The following SMARCC1 variants were observed in gnomAD, a reference collection of about 807,000 sequenced individuals.
The protein encoded by SMARCC1 is SWI/SNF complex subunit SMARCC1.
A neutral mutation model predicts 147.4 loss-of-function variants in SMARCC1; 43 were observed. The ratio of observed to expected loss-of-function variants is 0.29; its 90% CI spans 0.23 to 0.38. The LOEUF (loss-of-function observed/expected upper bound fraction) is 0.38. Among genes scored for constraint, SMARCC1 ranks in the 10% least tolerant of loss-of-function variants. The pLI, the probability that SMARCC1 is intolerant of heterozygous loss-of-function variation, is 1.00. For missense variants in SMARCC1, 1,119 were observed against 1,381.1 expected, an observed-to-expected ratio of 0.81 and a Z score of 3.01; for synonymous variants, 495 against 484.4, an observed-to-expected ratio of 1.02 and a Z score of -0.29.
At chr3:47,708,534 TG>T (rs1262996893) in intron 9 of SMARCC1, among the ~76,000 whole-genome samples, 3 of 152,126 alleles carry the variant, frequency 2.0e-5, no homozygotes, top group African/African-American at 7.2e-5. Flanking sequence ...GGGTATGAAC[TG>T]GCCAGTTAAA....
intron 27 of SMARCC1, among the ~76,000 whole-genome samples, chr3:47,589,407 T>C (rs925270276): frequency 5.9e-5 from 9 of 152,084 alleles, no homozygotes; most frequent in East Asian, 1.9e-4. Context: ...CAGTGGTAAA[T>C]TGGTAAAGAC....
chr3:47,638,305 G>A (rs2033000606), intron 22 of SMARCC1, among the ~76,000 whole-genome samples: 1 of 152,132 alleles, frequency 6.6e-6, no homozygotes, highest in Non-Finnish European at 1.5e-5. Context: ...ATGTTAGCCA[G>A]GACGGTCTCG....
At chr3:47,733,908 C>T (rs1286689638) in intron 5 of SMARCC1, among the ~76,000 whole-genome samples, 12 of 147,474 alleles carry the variant, frequency 8.1e-5, no homozygotes, top group Non-Finnish European at 1.6e-4. Context: ...TATATATACA[C>T]ACATATGTGC....
intron 2 of SMARCC1, among the ~76,000 whole-genome samples, chr3:47,764,433 A>G (rs994898234): frequency 1.9e-4 from 29 of 152,228 alleles, no homozygotes; most frequent in African/African-American, 6.5e-4. Flanking sequence ...AAAATATAGA[A>G]AAAATAAATA....
At chr3:47,780,684 T>C (rs1451038625) in intron 1 of SMARCC1, among the ~76,000 whole-genome samples, 1 of 152,194 alleles carries the variant, frequency 6.6e-6, no homozygotes, top group Non-Finnish European at 1.5e-5. Flanking sequence ...AAGCCCTTGC[T>C]TCAGTGCTAT....
chr3:47,738,880 T>C lies in SMARCC1; in HGVS notation c.402-770A>G, dbSNP rs550892817. Reference sequence around the variant, plus strand: ...TATCCCTTAATCTGAAATCACTTGATAGCTGGGGGTATCCCAAACCCACAA... The same window carrying C: ...TATCCCTTAATCTGAAATCACTTGACAGCTGGGGGTATCCCAAACCCACAA... On this transcript the variant is annotated intron_variant, in intron 3 of 27. Coordinates refer to ENST00000254480, the MANE Select transcript of SMARCC1 (RefSeq NM_003074.4). Among the ~76,000 whole-genome samples the C allele has an allele frequency of 2.0e-4, 31 of 152,284 alleles. 1 individual carries two copies. The South Asian group carries it at 6.0e-3, about 30-fold the overall frequency.
chr3:47,686,915 G>A (rs2033732576), intron 13 of SMARCC1, among the ~76,000 whole-genome samples: 1 of 152,056 alleles, frequency 6.6e-6, no homozygotes. Flanking sequence ...GAGCATGGGA[G>A]GTCAAGACTA....
chr3:47,639,630 C>T (rs2033023000), intron 21 of SMARCC1, among the ~76,000 whole-genome samples: 1 of 152,156 alleles, frequency 6.6e-6, no homozygotes, highest in Admixed American at 6.5e-5. Context: ...AGGAGAATCA[C>T]TTGAACCAAG....
At position 47,757,210 on chromosome 3, in the gene SMARCC1, C is replaced by T. The variant is rs9811453; in HGVS notation, c.316-11217G>A. On this transcript the variant is annotated intron_variant, in intron 2 of 27. Transcript: ENST00000254480. ...AGGCCGCAGTGAGCTATGATCAAGGCAATGTACTCCAGCCTGGGTGATTAG... is the reference window on the plus strand; with the variant it reads ...AGGCCGCAGTGAGCTATGATCAAGGTAATGTACTCCAGCCTGGGTGATTAG... Among the ~76,000 whole-genome samples, 667 of 151,826 alleles carry T rather than the reference C, an allele frequency of 4.4e-3. 5 individuals carry two copies. Among genetic ancestry groups the T allele is most frequent in the South Asian group, 0.032 (153 of 4,806 alleles).
chr3:47,677,188 A>G (rs549091391), intron 16 of SMARCC1, among the ~76,000 whole-genome samples: 2 of 151,998 alleles, frequency 1.3e-5, no homozygotes, highest in South Asian at 4.2e-4. Context: ...CCTCCTCCGC[A>G]TCCTTGGTTC....
At chr3:47,670,855 T>C (rs2033486330) in intron 18 of SMARCC1, 138 bp from the exon 19 acceptor site, 1 of 654,936 alleles carries the variant, frequency 1.5e-6, no homozygotes, top group Non-Finnish European at 2.8e-6. Context: ...AATAAAACAC[T>C]TTAAGGAGCC....
At chr3:47,717,062 T>C (rs1225672519) in intron 7 of SMARCC1, among the ~76,000 whole-genome samples, 2 of 152,024 alleles carry the variant, frequency 1.3e-5, no homozygotes, top group East Asian at 1.9e-4. Flanking sequence ...CATAAAAAGA[T>C]TGTATATACT....
intron 26 of SMARCC1, among the ~76,000 whole-genome samples, chr3:47,606,061 A>C (rs918799089): frequency 1.3e-5 from 2 of 152,234 alleles, no homozygotes; most frequent in Non-Finnish European, 2.9e-5. Context: ...ATTTTATTTC[A>C]ATAAAAAATC....
chr3:47,659,760 AG>A (rs71619691), intron 21 of SMARCC1, among the ~76,000 whole-genome samples: 4,993 of 47,774 alleles, frequency 0.1, 739 homozygotes, highest in Admixed American at 0.28. Context: ...GAAAAAAAAA[AG>A]GGGGGGGGGG....
At chr3:47,762,979 T>C (rs1272324338) in intron 2 of SMARCC1, among the ~76,000 whole-genome samples, 2 of 151,712 alleles carry the variant, frequency 1.3e-5, no homozygotes, top group Non-Finnish European at 2.9e-5. Context: ...GGCAGGAGAA[T>C]TGCTTGAACC....
chr3:47,660,964 T>C (rs1312632207), intron 21 of SMARCC1, among the ~76,000 whole-genome samples: 1 of 152,208 alleles, frequency 6.6e-6, no homozygotes, highest in African/African-American at 2.4e-5. Context: ...TAAATTAACA[T>C]AATCATAAGT....
chr3:47,651,914 GTCCAAGAA>G lies in SMARCC1; in HGVS notation c.2320+9372_2320+9379del, dbSNP rs1368876397. Among the ~76,000 whole-genome samples, 12 of 152,286 alleles carry G rather than the reference GTCCAAGAA, an allele frequency of 7.9e-5. No individual in the cohort carries two copies. The South Asian group carries it at 1.0e-3, about 13-fold the overall frequency. ...ACTGAGTTTGATTTTTTGTGATTAT[GTCCAAGAA>G]AGCTTCTCTGGCACAGGCTCATGCA... On this transcript the variant is annotated intron_variant, in intron 21 of 27. Transcript: ENST00000254480.
At position 47,635,361 on chromosome 3, in the gene SMARCC1, G is replaced by T. The variant is rs772755113; in HGVS notation, c.2492-17C>A. 3.1e-6 allele frequency: 5 copies of T among 1,607,760 alleles called. No homozygotes were observed. The Admixed American group carries it at 8.3e-5, about 27-fold the overall frequency. On this transcript the variant is annotated splice_polypyrimidine_tract_variant and intron_variant, in intron 23 of 27. Coordinates refer to ENST00000254480, the MANE Select transcript of SMARCC1 (RefSeq NM_003074.4). ...CCTTTTCTTCTGAAAATATCAGAAA[G>T]CTTTGTTACTAGCGTGCCCACTCTC...
At chr3:47,742,250 G>A (rs1371003187) in intron 3 of SMARCC1, among the ~76,000 whole-genome samples, 1 of 150,620 alleles carries the variant, frequency 6.6e-6, no homozygotes, top group African/African-American at 2.4e-5. Flanking sequence ...CTGGGTGACA[G>A]AGCAAGACTC....
Sources: allele counts gnomAD v4.1 joint callset (sites outside exome capture counted in the v4.1 genomes callset), GRCh38; gene constraint gnomAD v4.1.1; transcripts MANE v1.5; gene names NCBI Gene and HGNC (gene_info 2026-07-23, HGNC 2026-07-21).